Variants in DOCK1 observed in about 807,000 individuals in gnomAD.
DOCK1 encodes the protein dedicator of cytokinesis 1, also known as dedicator of cytokinesis protein 1.
In DOCK1, 138 loss-of-function variants were observed where a neutral mutation model predicts 262.7. The ratio of observed to expected loss-of-function variants is 0.53; its 90% CI spans 0.46 to 0.61. DOCK1 has a LOEUF of 0.61. Ranked by LOEUF, DOCK1 falls within the 20% of genes least tolerant of loss-of-function variation. The pLI is 0.00. For synonymous variants in DOCK1, 866 were observed against 867.4 expected (o/e 1.00, Z 0.03); for missense variants, 1,908 against 2,370.7 (o/e 0.80, Z 4.05).
At chr10:127,408,735 AT>A (rs1258290055) in intron 40 of DOCK1, among the ~76,000 whole-genome samples, 1 of 152,162 alleles carries the variant, frequency 6.6e-6, no homozygotes, top group Admixed American at 6.5e-5. Context: ...CTGAGTGCTC[AT>A]TTGGTTTTTC....
Position 127,175,621 on chromosome 10 carries a change from G to A in DOCK1, c.2847+47857G>A, listed in dbSNP as rs565955024. The A allele has an allele frequency of 1.2e-6, 2 of 1,613,142 alleles. No homozygotes were observed. Among genetic ancestry groups the A allele is most frequent in the Non-Finnish European group, 1.7e-6 (2 of 1,179,950 alleles). On this transcript the variant is annotated intron_variant, in intron 27 of 51. Coordinates refer to ENST00000623213, the MANE Select transcript of DOCK1 (RefSeq NM_001290223.2). This position sits in a 1 kb window ranked among gnomAD's most constrained non-coding sequence, Gnocchi z 6.3. ...TCGGGGGCCCTGGCACTGAGGGCAG[G>A]TGCGTAAACGGTGGCAACCTCCGTT...
chr10:127,448,417 A>T (rs1250776166), intron 51 of DOCK1, among the ~76,000 whole-genome samples: 1 of 152,130 alleles, frequency 6.6e-6, no homozygotes, highest in East Asian at 1.9e-4. Flanking sequence ...TTCTTTTGAG[A>T]TCCACCCCGT....
intron 27 of DOCK1, among the ~76,000 whole-genome samples, chr10:127,195,134 C>T (rs559486198): frequency 1.3e-5 from 2 of 152,316 alleles, no homozygotes; most frequent in Middle Eastern, 6.8e-3. Flanking sequence ...GCTGAGGTCA[C>T]AGGGAGCGGC....
At chr10:127,133,552 A>G (rs762814467) in intron 27 of DOCK1, among the ~76,000 whole-genome samples, 38 of 152,126 alleles carry the variant, frequency 2.5e-4, no homozygotes, top group Non-Finnish European at 4.1e-4. Context: ...AGCTACAGCA[A>G]TTTTAGGTTT....
At chr10:127,352,430 G>T (rs562911073) in intron 31 of DOCK1, among the ~76,000 whole-genome samples, 4 of 152,178 alleles carry the variant, frequency 2.6e-5, no homozygotes, top group African/African-American at 9.6e-5. Context: ...TACCCAAACC[G>T]CAAGTGGAAA....
At chr10:126,951,736 C>G (rs1275858383) in intron 1 of DOCK1, among the ~76,000 whole-genome samples, 1 of 151,922 alleles carries the variant, frequency 6.6e-6, no homozygotes, top group Non-Finnish European at 1.5e-5. Context: ...GGCAGAAGAC[C>G]TAAGGACTTC....
At chr10:126,944,098 A>C (rs1237830365) in intron 1 of DOCK1, among the ~76,000 whole-genome samples, 1 of 57,934 alleles carries the variant, frequency 1.7e-5, no homozygotes, top group East Asian at 4.9e-4. Context: ...CGTGCAGGGG[A>C]GGTGATGGGG....
chr10:127,036,143 T>C (rs866008447), intron 18 of DOCK1, among the ~76,000 whole-genome samples: 8 of 152,334 alleles, frequency 5.3e-5, no homozygotes, highest in Middle Eastern at 3.4e-3. Context: ...CTACACGTCA[T>C]GTCAGTTAAT....
chr10:127,137,175 TGTC>T (rs1391959726), intron 27 of DOCK1: 1 of 152,640 alleles, frequency 6.6e-6, no homozygotes, highest in African/African-American at 2.4e-5. Context: ...GCAGTAAACA[TGTC>T]GTAAGTCTGG....
intron 27 of DOCK1, among the ~76,000 whole-genome samples, chr10:127,144,756 A>G (rs1679805817): frequency 6.6e-6 from 1 of 152,216 alleles, no homozygotes; most frequent in African/African-American, 2.4e-5. Context: ...CTTTAAATAT[A>G]GAAATGATTC....
intron 27 of DOCK1, among the ~76,000 whole-genome samples, chr10:127,166,407 AT>A (rs2054096311): frequency 6.6e-6 from 1 of 152,144 alleles, no homozygotes; most frequent in Non-Finnish European, 1.5e-5. Flanking sequence ...TTGGTTCCCC[AT>A]TTTCAGGGGA....
At chr10:127,250,650 G>A (rs1459986620) in intron 28 of DOCK1, among the ~76,000 whole-genome samples, 3 of 151,796 alleles carry the variant, frequency 2.0e-5, no homozygotes, top group Non-Finnish European at 4.4e-5. Context: ...AATTAGCCAG[G>A]CATGGTTGGG....
chr10:127,084,544 C>T (rs922602782), intron 23 of DOCK1, among the ~76,000 whole-genome samples: 1 of 152,212 alleles, frequency 6.6e-6, no homozygotes, highest in Non-Finnish European at 1.5e-5. Context: ...AATTGCCTGC[C>T]TGGGAATAGG....
At chr10:126,951,883 A>G (rs1201226898) in intron 1 of DOCK1, among the ~76,000 whole-genome samples, 2 of 142,256 alleles carry the variant, frequency 1.4e-5, no homozygotes, top group African/African-American at 2.7e-5. Context: ...GAGTTTCACT[A>G]TTGTCACCCA....
intron 27 of DOCK1, among the ~76,000 whole-genome samples, chr10:127,227,932 C>T (rs1212134254): frequency 1.3e-5 from 2 of 152,120 alleles, no homozygotes; most frequent in East Asian, 1.9e-4. Context: ...CTCAGTGATC[C>T]CATTCATCTG....
intron 38 of DOCK1, among the ~76,000 whole-genome samples, chr10:127,387,220 C>A (rs746537344): frequency 2.0e-5 from 3 of 152,248 alleles, no homozygotes; most frequent in Admixed American, 6.5e-5. Context: ...CCCTTGCCCT[C>A]TGCATTCCAG....
chr10:127,314,290 T>C (rs1317259441), intron 29 of DOCK1, among the ~76,000 whole-genome samples: 1 of 152,198 alleles, frequency 6.6e-6, no homozygotes, highest in Non-Finnish European at 1.5e-5. Flanking sequence ...AAGTATGATT[T>C]GATAGATCAT....
At chr10:127,023,713 C>T (rs1229645153) in intron 14 of DOCK1, among the ~76,000 whole-genome samples, 1 of 152,068 alleles carries the variant, frequency 6.6e-6, no homozygotes, top group African/African-American at 2.4e-5. Flanking sequence ...GCTGGGATTA[C>T]AGGCGTGAGC....
intron 28 of DOCK1, among the ~76,000 whole-genome samples, chr10:127,253,676 C>T (rs931917645): frequency 1.3e-5 from 2 of 151,942 alleles, no homozygotes; most frequent in Non-Finnish European, 1.5e-5. Context: ...AAATTCAAGA[C>T]CAGCCTGTGC....
Sources: allele counts gnomAD v4.1 joint callset (sites outside exome capture counted in the v4.1 genomes callset), GRCh38; gene constraint gnomAD v4.1.1; non-coding constraint Gnocchi (gnomAD v3.1); transcripts MANE v1.5; gene names NCBI Gene and HGNC (gene_info 2026-07-23, HGNC 2026-07-21).